The following MIA3 variants were observed in gnomAD, a reference collection of about 807,000 sequenced individuals.
The protein encoded by MIA3 is MIA SH3 domain ER export factor 3.
Under a neutral mutation model 192.4 loss-of-function variants are expected in MIA3, and 90 were observed. That is an observed-to-expected ratio of 0.47 (90% CI 0.39 to 0.56). The LOEUF (loss-of-function observed/expected upper bound fraction) is 0.56. Among genes scored for constraint, MIA3 ranks in the 20% least tolerant of loss-of-function variants. The pLI, the probability that MIA3 is intolerant of heterozygous loss-of-function variation, is 0.00. For missense variants in MIA3, 2,123 were observed against 2,269.4 expected, an observed-to-expected ratio of 0.94 and a Z score of 1.31; for synonymous variants, 740 against 792.8, an observed-to-expected ratio of 0.93 and a Z score of 1.12.
At chr1:222,644,182 C>A in intron 6 of MIA3, 1 of 717,048 alleles carries the variant, frequency 1.4e-6, no homozygotes, top group Non-Finnish European at 1.9e-6. Flanking sequence ...GGGATTCTTC[C>A]GCTCTAGCCC....
chr1:222,661,482 TTA>T, intron 24 of MIA3: 1 of 154,266 alleles, frequency 6.5e-6, no homozygotes, highest in African/African-American at 2.4e-5. Flanking sequence ...TGTTAACTGT[TTA>T]TGTTATTGGT....
chr1:222,618,585 C>A (rs2102705956), intron 1 of MIA3, among the ~76,000 whole-genome samples: 1 of 152,260 alleles, frequency 6.6e-6, no homozygotes, highest in African/African-American at 2.4e-5. Context: ...ACAGCGTCCC[C>A]TTCCCACCCC....
At chr1:222,624,745 CT>C in intron 2 of MIA3, 22 bp from the exon 3 acceptor site, 2 of 1,158,550 alleles carry the variant, frequency 1.7e-6, no homozygotes, top group Non-Finnish European at 2.6e-6. Context: ...ATATGTGTCC[CT>C]TTTGCCCATT....
Position 222,629,476 on chromosome 1 carries a change from G to C in MIA3, c.2256G>C (p.Arg752Ser). Reference sequence around the variant, plus strand: ...AAAAAAACCCTGGGAATCAGGGCAGGCAGTTTGATGTTAATCTGCAAGTCC... The same window carrying C: ...AAAAAAACCCTGGGAATCAGGGCAGCCAGTTTGATGTTAATCTGCAAGTCC... ...SKEKNPGNQG[R>S]QFDVNLQVPD... The change falls in exon 4 of 28, where the codon AGG becomes AGC. Residue 752 changes from arginine to serine, a missense_variant. Around this residue, in one of 3 missense-constraint regions of MIA3, gnomAD observed 1,357 missense variants for 1,396.1 expected, o/e 0.97. Coordinates refer to ENST00000344922, the MANE Select transcript of MIA3 (RefSeq NM_198551.4). The C allele has an allele frequency of 6.2e-7, 1 of 1,614,116 alleles. No individual in the cohort carries two copies. Among genetic ancestry groups the C allele is most frequent in the Non-Finnish European group, 8.5e-7 (1 of 1,180,030 alleles).
rs575133105 is a variant in MIA3 at position 222,629,928 on chromosome 1, C to T, written c.2708C>T (p.Ser903Leu). 5.0e-6 allele frequency: 8 copies of T among 1,614,082 alleles called. No individual in the cohort carries two copies. Among genetic ancestry groups the T allele is most frequent in the African/African-American group, 4.0e-5 (3 of 75,020 alleles). ...GSAAAEPEDD[S>L]FHWTPHTSVE... ...GCTGCTGCAGAACCTGAAGATGACTCGTTCCACTGGACTCCACATACAAGT... is the reference window on the plus strand; with the variant it reads ...GCTGCTGCAGAACCTGAAGATGACTTGTTCCACTGGACTCCACATACAAGT... Residue 903 changes from serine to leucine, a missense_variant, in exon 4 of 28, where the codon TCG becomes TTG. Around this residue, in one of 3 missense-constraint regions of MIA3, gnomAD observed 1,357 missense variants for 1,396.1 expected, o/e 0.97. Coordinates refer to ENST00000344922, the MANE Select transcript of MIA3 (RefSeq NM_198551.4).
intron 3 of MIA3, among the ~76,000 whole-genome samples, chr1:222,625,171 G>C (rs755332769): frequency 3.9e-5 from 6 of 151,934 alleles, no homozygotes; most frequent in Non-Finnish European, 8.8e-5. Flanking sequence ...CACCACGCCT[G>C]GCTAATTTTT....
intron 4 of MIA3, among the ~76,000 whole-genome samples, chr1:222,630,940 A>G (rs1283343263): frequency 1.3e-5 from 2 of 152,186 alleles, no homozygotes; most frequent in Non-Finnish European, 2.9e-5. Flanking sequence ...CTTCGAATGC[A>G]GTGCTTGATG....
intron 6 of MIA3, chr1:222,644,391 C>CTT: frequency 6.5e-7 from 1 of 1,534,222 alleles, no homozygotes; most frequent in Non-Finnish European, 8.8e-7. Flanking sequence ...GAATTGGGGC[C>CTT]TTTCCGGAGG....
chr1:222,652,352 C>A lies in MIA3; in HGVS notation c.4086+20C>A. On this transcript the variant is annotated intron_variant, in intron 13 of 27. Transcript: ENST00000344922. ...GAGCAGGTAAAGGAAAGTGCGTGTC[C>A]CAGGTCATGTAAAATAGAGAACTCA... is the stretch of plus-strand genomic sequence containing the variant. The A allele has an allele frequency of 6.6e-7, 1 of 1,504,906 alleles. No individual in the cohort carries two copies. The highest frequency in any genetic ancestry group is 9.2e-7 in the Non-Finnish European group (1 of 1,081,328). The allele number at this position is 1,504,906 out of a possible 1,614,324, so 93.2% of individuals were successfully genotyped here.
intron 19 of MIA3, 132 bp from the exon 20 acceptor site, chr1:222,659,321 T>C: frequency 1.4e-6 from 1 of 735,842 alleles, no homozygotes; most frequent in African/African-American, 1.8e-5. Flanking sequence ...TAACCAACCA[T>C]GTAAAATATG....
chr1:222,655,636 T>C (rs1240042828), intron 18 of MIA3, among the ~76,000 whole-genome samples: 1 of 152,226 alleles, frequency 6.6e-6, no homozygotes, highest in Admixed American at 6.5e-5. Context: ...GCAGCCAGTT[T>C]AGATTTTCCA....
intron 6 of MIA3, 90 bp from the exon 7 acceptor site, chr1:222,645,464 T>G: frequency 8.0e-7 from 1 of 1,249,732 alleles, no homozygotes. Context: ...AGAGTTGGTT[T>G]AGAATTTCTG....
intron 6 of MIA3, among the ~76,000 whole-genome samples, chr1:222,636,686 T>C (rs999585698): frequency 6.6e-6 from 1 of 152,008 alleles, no homozygotes; most frequent in African/African-American, 2.4e-5. Flanking sequence ...CTAATTTTTG[T>C]ATTTTTCAGT....
chr1:222,641,944 A>G (rs1233647719), intron 6 of MIA3: 1 of 372,928 alleles, frequency 2.7e-6, no homozygotes, highest in Non-Finnish European at 5.2e-6. Flanking sequence ...ATACCCATAC[A>G]ATGAAATGCT....
chr1:222,657,327 G>C (rs1179699694), intron 18 of MIA3, among the ~76,000 whole-genome samples: 2 of 152,098 alleles, frequency 1.3e-5, no homozygotes, highest in African/African-American at 4.8e-5. Flanking sequence ...CTTCTCATTG[G>C]CAGCCCTGAA....
At chr1:222,652,852 G>C (rs1203659609) in intron 13 of MIA3, among the ~76,000 whole-genome samples, 156 bp from the exon 14 acceptor site, 2 of 152,224 alleles carry the variant, frequency 1.3e-5, no homozygotes, top group Non-Finnish European at 2.9e-5. Context: ...TCTGAGGGTT[G>C]GGGCCACTGT....
At position 222,660,015 on chromosome 1, in the gene MIA3, G is replaced by A; in HGVS notation, c.4975+9G>A. 2 of 1,605,586 alleles carry A rather than the reference G, an allele frequency of 1.2e-6. No homozygotes were observed. The highest frequency in any genetic ancestry group is 1.7e-6 in the Non-Finnish European group (2 of 1,174,510). The stretch of plus-strand genomic sequence containing the variant: ...AAACCCTCCACGGAGAGGTAAGGGA[G>A]CTACCTTGTAAAGGGCAACAATCTG... On this transcript the variant is annotated intron_variant, in intron 23 of 27. Transcript: ENST00000344922.
intron 26 of MIA3, 87 bp from the exon 27 acceptor site, chr1:222,663,900 CTGACATCTGCT>C: frequency 8.6e-7 from 1 of 1,158,038 alleles, no homozygotes; most frequent in Non-Finnish European, 1.2e-6. Flanking sequence ...GGACAAGTGC[CTGACATCTGCT>C]TCATTGGGTT....
intron 2 of MIA3, among the ~76,000 whole-genome samples, chr1:222,623,551 A>G (rs1661974898): frequency 6.6e-6 from 1 of 152,078 alleles, no homozygotes; most frequent in African/African-American, 2.4e-5. Context: ...GTTTCTTAGC[A>G]TTTTAGACTT....
Sources: gnomAD v4.1 joint callset for allele counts (sites outside exome capture counted in the v4.1 genomes callset) on GRCh38, gnomAD v4.1.1 for gene constraint, gnomAD v4.1.1 regional missense constraint, MANE v1.5 for transcripts, NCBI Gene and HGNC (gene_info 2026-07-23, HGNC 2026-07-21) for gene names.